PI4KA: variants seen among roughly 807,000 people sequenced by gnomAD.
The protein encoded by PI4KA is PI4-kinase alpha.
A neutral mutation model predicts 271.4 loss-of-function variants in PI4KA; 122 were observed. The observed-to-expected ratio is 0.45, with a 90% CI of 0.39 to 0.52. The LOEUF is 0.52. Ranked by LOEUF, PI4KA falls within the 20% of genes least tolerant of loss-of-function variation. PI4KA has a pLI of 0.00. For synonymous variants in PI4KA, 1,041 were observed against 1,078.8 expected (o/e 0.96, Z 0.69); for missense variants, 1,969 against 2,769.1 (o/e 0.71, Z 6.48).
chr22:20,750,966 C>T (rs1049626465), intron 27 of PI4KA, among the ~76,000 whole-genome samples: 1 of 152,242 alleles, frequency 6.6e-6, no homozygotes, highest in African/African-American at 2.4e-5. Context: ...GAAAATCATG[C>T]TTGTGCGACG....
chr22:20,840,531 ACAGGTGAGGAGACTCCTGCAG>A (rs539350289), intron 1 of PI4KA, among the ~76,000 whole-genome samples: 180 of 152,324 alleles, frequency 1.2e-3, no homozygotes, highest in African/African-American at 4.2e-3. Flanking sequence ...GAAAACAGAG[ACAGGTGAGGAGACTCCTGCAG>A]CAGCTGAGGA....
intron 4 of PI4KA, among the ~76,000 whole-genome samples, chr22:20,821,416 C>T (rs1216990215): frequency 6.6e-6 from 1 of 151,850 alleles, no homozygotes; most frequent in Non-Finnish European, 1.5e-5. Flanking sequence ...GACAGGGTTT[C>T]ACCATGTTAG....
chr22:20,834,708 G>T (rs1924640642), intron 2 of PI4KA, 53 bp from the exon 3 acceptor site: 1 of 1,209,318 alleles, frequency 8.3e-7, no homozygotes, highest in East Asian at 2.5e-5. Flanking sequence ...TAAGTGATTG[G>T]CAGCTTTTTA....
At chr22:20,793,278 A>G in intron 18 of PI4KA, 35 bp from the exon 19 acceptor site, 1 of 1,275,566 alleles carries the variant, frequency 7.8e-7, no homozygotes, top group Non-Finnish European at 1.1e-6. Context: ...ATTAACGAGT[A>G]TGTGTTTCTT....
intron 1 of PI4KA, among the ~76,000 whole-genome samples, chr22:20,852,413 C>A (rs1384576980): frequency 6.6e-6 from 1 of 152,210 alleles, no homozygotes; most frequent in Admixed American, 6.5e-5. Context: ...AAGAAATCAA[C>A]ATTGCTGACA....
In PI4KA at chr22:20,858,630, G is replaced by A. The variant is rs1329048722; in HGVS notation, c.96C>T (p.Phe32=). 2.0e-6 allele frequency: 3 copies of A among 1,487,114 alleles called. No homozygotes were observed. Among genetic ancestry groups the A allele is most frequent in the East Asian group, 2.9e-5 (1 of 34,938 alleles). The allele number at this position is 1,487,114 out of a possible 1,614,324, so 92.1% of individuals were successfully genotyped here. A position where few individuals can be genotyped will look rare whatever the true frequency, so the allele number is the denominator to read the frequency against. The change falls in exon 1 of 55, where the codon TTC becomes TTT. Residue 32 remains phenylalanine, a synonymous_variant. Transcript: ENST00000255882. ...SGSSASRGFY[F]NTVLSLARSL... is the part of the protein sequence containing the mutation. ...AGCGGGCCAGTGACAGGACCGTGTT[G>A]AAATAGAAGCCCCGCGAGGCGCTGG...
At chr22:20,853,934 G>A (rs2147831904) in intron 1 of PI4KA, among the ~76,000 whole-genome samples, 1 of 149,702 alleles carries the variant, frequency 6.7e-6, no homozygotes, top group African/African-American at 2.5e-5. Flanking sequence ...AAAAAAAGTA[G>A]ATGGGATTTA....
chr22:20,758,459 CTTTTTTTTT>C (rs35401829), intron 23 of PI4KA, among the ~76,000 whole-genome samples: 1 of 85,036 alleles, frequency 1.2e-5, no homozygotes, highest in Non-Finnish European at 2.2e-5. Flanking sequence ...TCTTTCTTTT[CTTTTTTTTT>C]TTTTTTTTTG....
At position 20,721,286 on chromosome 22, in the gene PI4KA, C is replaced by A. The variant is rs1394849176; in HGVS notation, c.5116+12G>T. 19 of 1,613,684 alleles carry A rather than the reference C, an allele frequency of 1.2e-5. No homozygotes were observed. The highest frequency in any genetic ancestry group is 1.5e-5 in the Non-Finnish European group (18 of 1,179,868). ...ACAGTAAGTGAGGCCTGTGGGAGGA[C>A]AAAATACTCACGGTCTTTCTGGTGG... On this transcript the variant is annotated intron_variant, in intron 43 of 54. Coordinates refer to ENST00000255882, the MANE Select transcript of PI4KA (RefSeq NM_058004.4).
chr22:20,757,699 G>A (rs368598406), intron 23 of PI4KA, among the ~76,000 whole-genome samples: 38 of 152,046 alleles, frequency 2.5e-4, no homozygotes, highest in Non-Finnish European at 4.9e-4. Context: ...ACACGCCACC[G>A]CACCTGGCTA....
At chr22:20,800,695 T>C (rs1439511330) in intron 14 of PI4KA, among the ~76,000 whole-genome samples, 2 of 129,076 alleles carry the variant, frequency 1.5e-5, no homozygotes, top group Non-Finnish European at 3.4e-5. Context: ...ACCCCATCTC[T>C]ACTAAAAAAA....
At chr22:20,843,024 G>C (rs1021847060) in intron 1 of PI4KA, among the ~76,000 whole-genome samples, 1 of 151,320 alleles carries the variant, frequency 6.6e-6, no homozygotes, top group African/African-American at 2.4e-5. Flanking sequence ...CGTGAACCCG[G>C]GAGGCAGAGC....
Position 20,728,669 on chromosome 22 carries a change from C to T in PI4KA, c.4682+644G>A, listed in dbSNP as rs150681075. On this transcript the variant is annotated intron_variant, in intron 39 of 54. Transcript: ENST00000255882. ...TGTGCTTTGAGACAATGCAGAGCTG[C>T]GCTGCGATCCTATTCCAGAGGATCA... Among the ~76,000 whole-genome samples, 1,405 of 152,316 alleles carry T rather than the reference C, an allele frequency of 9.2e-3. 6 individuals are homozygous for T. Among genetic ancestry groups the T allele is most frequent in the Non-Finnish European group, 0.015 (998 of 68,008 alleles).
chr22:20,769,473 G>A (rs981176999), intron 19 of PI4KA, among the ~76,000 whole-genome samples: 1 of 152,064 alleles, frequency 6.6e-6, no homozygotes, highest in African/African-American at 2.4e-5. Flanking sequence ...ATCGAGATCA[G>A]CCTGGCTAAC....
intron 22 of PI4KA, among the ~76,000 whole-genome samples, chr22:20,764,435 G>A (rs1264075094): frequency 6.6e-6 from 1 of 152,176 alleles, no homozygotes; most frequent in Non-Finnish European, 1.5e-5. Flanking sequence ...TGTCGCATTT[G>A]CTGTTTGTAC....
At chr22:20,725,756 C>T (rs905770402) in intron 42 of PI4KA, 16 of 301,900 alleles carry the variant, frequency 5.3e-5, no homozygotes, top group Admixed American at 1.5e-4. Flanking sequence ...ATTAGCTGGG[C>T]GTGGTCGCAC....
chr22:20,717,763 G>A lies in PI4KA; in HGVS notation c.5262C>T (p.Gly1754=), dbSNP rs752259850. 25 of 1,572,566 alleles carry A rather than the reference G, an allele frequency of 1.6e-5. 1 individual carries two copies. The highest frequency in any genetic ancestry group is 5.5e-5 in the Admixed American group (3 of 54,430). ...ACAGACAAGCCTTCTTTCTCTCGTC[G>A]CCTTTAGGGTAGGGCCTGAGAAACA... is the stretch of plus-strand genomic sequence containing the variant. ...VSAIIKPYPK[G]DERKKACLSA... is the part of the protein sequence containing the mutation. Residue 1754 remains glycine, a synonymous_variant, in exon 45 of 55, where the codon GGC becomes GGT. Transcript: ENST00000255882.
At chr22:20,850,272 C>T (rs1011168663) in intron 1 of PI4KA, among the ~76,000 whole-genome samples, 5 of 151,618 alleles carry the variant, frequency 3.3e-5, no homozygotes, top group Admixed American at 3.3e-4. Flanking sequence ...CACGGTGGCT[C>T]GCCTGTTAAC....
intron 1 of PI4KA, among the ~76,000 whole-genome samples, chr22:20,857,151 T>C (rs1601633220): frequency 6.6e-6 from 1 of 152,334 alleles, no homozygotes; most frequent in East Asian, 1.9e-4. Context: ...TATGAAGTAC[T>C]ACCTTGTATT....
Sources: allele counts gnomAD v4.1 joint callset (sites outside exome capture counted in the v4.1 genomes callset), GRCh38; gene constraint gnomAD v4.1.1; transcripts MANE v1.5; gene names NCBI Gene and HGNC (gene_info 2026-07-23, HGNC 2026-07-21).